Variants in DCAF10 observed in about 807,000 individuals in gnomAD.
DCAF10 encodes the protein DDB1- and CUL4-associated factor 10.
In DCAF10, 19 loss-of-function variants were observed where a neutral mutation model predicts 51.9. That is an observed-to-expected ratio of 0.37 (90% CI 0.26 to 0.54). The LOEUF is 0.54. DCAF10 is among the 20% of genes least tolerant of loss of function. The pLI, the probability that DCAF10 is intolerant of heterozygous loss-of-function variation, is 0.87. For synonymous variants in DCAF10, 291 were observed against 297.1 expected (o/e 0.98, Z 0.21); for missense variants, 510 against 730.6 (o/e 0.70, Z 3.48).
intron 3 of DCAF10, 32 bp from the exon 4 acceptor site, chr9:37,854,746 ACT>A (rs768244875): frequency 6.3e-7 from 1 of 1,575,010 alleles, no homozygotes; most frequent in Non-Finnish European, 8.7e-7. Context: ...ATTTATGATA[ACT>A]CTAGATTTTG....
rs1326187621 is a variant in DCAF10 at position 37,829,621 on chromosome 9, CTT to C, written c.653+10221_653+10222del. Among the ~76,000 whole-genome samples, 1 of 152,026 alleles carries C rather than the reference CTT, an allele frequency of 6.6e-6. No individual in the cohort carries two copies. The highest frequency in any genetic ancestry group is 1.5e-5 in the Non-Finnish European group (1 of 68,028). ...AGCGAAACGTTGAGAAATAGGCACT[CTT>C]AGATATTACTGATGAAGTATAAATT... On this transcript the variant is annotated intron_variant, in intron 2 of 6. Transcript: ENST00000377724. This position sits in a 1 kb window ranked among gnomAD's most constrained non-coding sequence, Gnocchi z 4.2.
Position 37,841,953 on chromosome 9 carries a change from A to G in DCAF10, c.654-136A>G, listed in dbSNP as rs530872892. The G allele has an allele frequency of 4.0e-5, 28 of 698,590 alleles. 1 individual carries two copies. The South Asian group carries it at 6.1e-4, about 15-fold the overall frequency. 43.3% of individuals were successfully genotyped at this position (698,590 alleles called of 1,614,324 possible). On this transcript the variant is annotated intron_variant, in intron 2 of 6. Transcript: ENST00000377724. ...GTATACTTTTTATAGTATATCAGTC[A>G]TTGGGTTTACATAGTGAGTGTGTAG...
At chr9:37,809,669 C>T (rs1589076651) in intron 1 of DCAF10, among the ~76,000 whole-genome samples, 1 of 148,150 alleles carries the variant, frequency 6.7e-6, no homozygotes, top group African/African-American at 2.5e-5. Context: ...CCTGACTCTA[C>T]TCAAAATAAA....
Position 37,801,436 on chromosome 9 carries a change from C to T in DCAF10, c.539+31C>T, listed in dbSNP as rs181616247. ...CGCGGCCCCTCGGAGGGCGGGCGCC[C>T]GCCTCCGCCCGGCTCTGCTGCCAGC... is the stretch of plus-strand genomic sequence containing the variant. On this transcript the variant is annotated intron_variant, in intron 1 of 6. Transcript: ENST00000377724. The surrounding 1 kb of genome is among the most constrained non-coding windows in gnomAD (Gnocchi z 5.5). The T allele has an allele frequency of 6.4e-5, 90 of 1,406,734 alleles. 1 individual carries two copies. In the African/African-American group the frequency reaches 1.2e-3, roughly 18 times the overall value. The allele number at this position is 1,406,734 out of a possible 1,614,324, so 87.1% of individuals were successfully genotyped here. A position where few individuals can be genotyped will look rare whatever the true frequency, so the allele number is the denominator to read the frequency against.
intron 1 of DCAF10, among the ~76,000 whole-genome samples, chr9:37,816,870 A>G (rs1229956664): frequency 6.6e-6 from 1 of 152,236 alleles, no homozygotes; most frequent in Non-Finnish European, 1.5e-5. Flanking sequence ...GTGCATTTCA[A>G]TAAAATTTCA....
At chr9:37,817,724 G>A (rs1473218573) in intron 1 of DCAF10, among the ~76,000 whole-genome samples, 1 of 151,308 alleles carries the variant, frequency 6.6e-6, no homozygotes, top group East Asian at 1.9e-4. Flanking sequence ...AACATAGTGT[G>A]ATCCCATCTC....
At chr9:37,850,510 A>C (rs905218497) in intron 3 of DCAF10, among the ~76,000 whole-genome samples, 5 of 152,094 alleles carry the variant, frequency 3.3e-5, no homozygotes, top group Non-Finnish European at 7.4e-5. Flanking sequence ...ATTATATTAA[A>C]CAAAATAAGC....
In DCAF10 at chr9:37,834,003, G is replaced by A. The variant is rs926608858; in HGVS notation, c.654-8086G>A. On this transcript the variant is annotated intron_variant, in intron 2 of 6. Coordinates refer to ENST00000377724, the MANE Select transcript of DCAF10 (RefSeq NM_024345.5). ...CGCCTAGGCTGGAGTGCAGTGGTGC[G>A]ATCTCGGCTCACTGCAGCCTCCGCC... Among the ~76,000 whole-genome samples, 7 of 151,900 alleles carry A rather than the reference G, an allele frequency of 4.6e-5. 1 individual carries two copies. The highest frequency in any genetic ancestry group is 1.3e-4 in the Admixed American group (2 of 15,234).
chr9:37,824,170 C>T (rs1181899810), intron 2 of DCAF10, among the ~76,000 whole-genome samples: 2 of 152,112 alleles, frequency 1.3e-5, no homozygotes, highest in African/African-American at 2.4e-5. Flanking sequence ...CATCAGGCAC[C>T]GTGCCCAGTC....
intron 3 of DCAF10, among the ~76,000 whole-genome samples, chr9:37,850,826 TTATATATATATATATA>T (rs71494679): frequency 0.021 from 941 of 45,760 alleles, 15 homozygotes; most frequent in East Asian, 0.038. Context: ...AGGATATATT[TTATATATATATATATA>T]TATATATATA....
intron 2 of DCAF10, among the ~76,000 whole-genome samples, chr9:37,826,076 TA>T (rs373471414): frequency 0.2 from 28,008 of 142,292 alleles, 3,000 homozygotes; most frequent in African/African-American, 0.3. Flanking sequence ...TATATTTCTT[TA>T]AAAAAAAAAA....
chr9:37,826,036 A>G (rs1266714284), intron 2 of DCAF10, among the ~76,000 whole-genome samples: 2 of 143,174 alleles, frequency 1.4e-5, no homozygotes, highest in Non-Finnish European at 3.0e-5. Flanking sequence ...CTCCATCTTA[A>G]AAGAAAAAAA....
chr9:37,857,150 TA>T, intron 4 of DCAF10, 90 bp from the exon 5 acceptor site: 2 of 1,047,250 alleles, frequency 1.9e-6, no homozygotes, highest in Non-Finnish European at 2.7e-6. Flanking sequence ...TTCAAAATTT[TA>T]AAACTATGGT....
rs1241935121 is a variant in DCAF10 at position 37,863,256 on chromosome 9, G to A, written c.*1748G>A. On this transcript the variant is annotated 3_prime_UTR_variant, in exon 7 of 7. Coordinates refer to ENST00000377724, the MANE Select transcript of DCAF10 (RefSeq NM_024345.5). ...CAAGAGAATCACTTGAACCCGGGAG[G>A]CAGAGGGTGCAGTAAGCCGAGATTG... 1 of 146,580 alleles carries A rather than the reference G, an allele frequency of 6.8e-6. No homozygotes were observed. The allele number at this position is 146,580 out of a possible 1,614,324, so 9.1% of individuals were successfully genotyped here.
chr9:37,830,662 A>G (rs1485212506), intron 2 of DCAF10, among the ~76,000 whole-genome samples: 1 of 152,186 alleles, frequency 6.6e-6, no homozygotes, highest in Non-Finnish European at 1.5e-5. Context: ...GATGTTTGTT[A>G]TATTTTTCAT....
Position 37,861,195 on chromosome 9 carries a change from G to A in DCAF10, c.1367G>A (p.Arg456His), listed in dbSNP as rs1452581965. 1.2e-6 allele frequency: 2 copies of A among 1,611,192 alleles called. No individual in the cohort carries two copies. Among genetic ancestry groups the A allele is most frequent in the Non-Finnish European group, 1.7e-6 (2 of 1,177,446 alleles). The change falls in exon 7 of 7, where the codon CGC (arginine) becomes CAC (histidine). Residue 456 changes from arginine to histidine, a missense_variant. Around this residue, in one of 4 missense-constraint regions of DCAF10, gnomAD observed 104 missense variants for 206.2 expected, o/e 0.50. Transcript: ENST00000377724. The surrounding 1 kb of genome is among the most constrained non-coding windows in gnomAD (Gnocchi z 4.9). ...GCTCCAGTGCGACCTGTCTCACCTC[G>A]CTGTTCTCTACGACTGACTCATTAC... ...EGAPVRPVSP[R>H]CSLRLTHYIE...
At chr9:37,854,728 A>G in intron 3 of DCAF10, 52 bp from the exon 4 acceptor site, 1 of 1,525,516 alleles carries the variant, frequency 6.6e-7, no homozygotes. Flanking sequence ...TTATTACTGA[A>G]CCGTTATATT....
At chr9:37,824,664 TTC>T (rs1436037712) in intron 2 of DCAF10, among the ~76,000 whole-genome samples, 3 of 152,092 alleles carry the variant, frequency 2.0e-5, no homozygotes, top group Non-Finnish European at 1.5e-5. Flanking sequence ...TAGATTAATT[TTC>T]TTTGTTAAGA....
chr9:37,840,218 CTA>C (rs1287123446), intron 2 of DCAF10, among the ~76,000 whole-genome samples: 1 of 152,084 alleles, frequency 6.6e-6, no homozygotes, highest in Non-Finnish European at 1.5e-5. Context: ...CTAATACTTA[CTA>C]TGTTATACTT....
Sources: allele counts gnomAD v4.1 joint callset (sites outside exome capture counted in the v4.1 genomes callset), GRCh38; gene constraint gnomAD v4.1.1; regional missense constraint gnomAD v4.1.1; non-coding constraint Gnocchi (gnomAD v3.1); transcripts MANE v1.5; gene names NCBI Gene and HGNC (gene_info 2026-07-23, HGNC 2026-07-21).